CCDC171: variants seen among roughly 807,000 people sequenced by gnomAD.
CCDC171 encodes the protein coiled-coil domain-containing protein 171.
In CCDC171, 177 loss-of-function variants were observed where a neutral mutation model predicts 168.2. That is an observed-to-expected ratio of 1.05 (90% CI 0.93 to 1.19). The LOEUF is 1.19. Ranked by LOEUF, CCDC171 falls within the 50% of genes most tolerant of loss-of-function variation. The pLI, the probability that CCDC171 is intolerant of heterozygous loss-of-function variation, is 0.00. For synonymous variants in CCDC171, 687 were observed against 540.8 expected (o/e 1.27, Z -3.75); for missense variants, 1,991 against 1,539.0 (o/e 1.29, Z -4.91).
chr9:15,789,434 A>C (rs1186123263), intron 21 of CCDC171, among the ~76,000 whole-genome samples: 1 of 152,206 alleles, frequency 6.6e-6, no homozygotes, highest in African/African-American at 2.4e-5. Context: ...TCCGACATTA[A>C]GAAATTGCTT....
Position 15,821,443 on chromosome 9 carries a change from G to A in CCDC171, c.3268-25259G>A, listed in dbSNP as rs375536818. Reference sequence around the variant, plus strand: ...GATTGTATATCTAGAAAACCCCATCGTCTCAGCCCAAAATCTCCTTGAGCT... The same window carrying A: ...GATTGTATATCTAGAAAACCCCATCATCTCAGCCCAAAATCTCCTTGAGCT... On this transcript the variant is annotated intron_variant, in intron 21 of 25. Coordinates refer to ENST00000380701, the MANE Select transcript of CCDC171 (RefSeq NM_173550.4). 2.3e-4 allele frequency among the ~76,000 whole-genome samples: 27 copies of A among 115,532 alleles called. 6 individuals carry two copies. Among genetic ancestry groups the A allele is most frequent in the African/African-American group, 5.9e-4 (18 of 30,378 alleles). The allele number at this position is 115,532 out of a possible 152,430, so 75.8% of individuals were successfully genotyped here.
chr9:15,579,378 C>A (rs1300056555), intron 4 of CCDC171, among the ~76,000 whole-genome samples: 1 of 152,102 alleles, frequency 6.6e-6, no homozygotes, highest in African/African-American at 2.4e-5. Context: ...AATATGAATC[C>A]AAATCTCTAG....
chr9:15,553,911 A>T (rs1314384098), intron 1 of CCDC171, among the ~76,000 whole-genome samples: 1 of 151,448 alleles, frequency 6.6e-6, no homozygotes, highest in Non-Finnish European at 1.5e-5. Flanking sequence ...AAATGAGATA[A>T]ATACGTCTTT....
At chr9:15,755,083 G>T (rs891731507) in intron 18 of CCDC171, among the ~76,000 whole-genome samples, 34 of 152,238 alleles carry the variant, frequency 2.2e-4, no homozygotes, top group African/African-American at 7.5e-4. Context: ...TGCCTTCTTT[G>T]TAATTATTGG....
intron 7 of CCDC171, among the ~76,000 whole-genome samples, chr9:15,642,086 A>T (rs1398966531): frequency 1.3e-5 from 2 of 151,572 alleles, no homozygotes; most frequent in African/African-American, 2.4e-5. Context: ...ATTGCTTGAA[A>T]CCAGGAGGTG....
At chr9:15,623,464 TGCGCGC>T in intron 7 of CCDC171, 51 bp downstream of exon 7, 3 of 765,036 alleles carry the variant, frequency 3.9e-6, no homozygotes, top group East Asian at 3.7e-5. Flanking sequence ...CTTTCACATA[TGCGCGC>T]GCGCGCACAC....
chr9:15,943,134 T>G (rs1295669582), intron 25 of CCDC171, among the ~76,000 whole-genome samples: 1 of 152,036 alleles, frequency 6.6e-6, no homozygotes, highest in East Asian at 1.9e-4. Context: ...CTATATTACA[T>G]GTGTGTTTCT....
intron 21 of CCDC171, among the ~76,000 whole-genome samples, chr9:15,832,465 C>A (rs920961612): frequency 6.6e-6 from 1 of 152,166 alleles, no homozygotes; most frequent in East Asian, 1.9e-4. Context: ...ATGGTAAAGC[C>A]TGTTGCTTCT....
chr9:15,708,515 G>C (rs1244743920), intron 11 of CCDC171, among the ~76,000 whole-genome samples: 1 of 152,146 alleles, frequency 6.6e-6, no homozygotes, highest in African/African-American at 2.4e-5. Context: ...CTACTGTGTA[G>C]GTGCTGCTTT....
chr9:15,696,985 C>T (rs1219699675), intron 11 of CCDC171, among the ~76,000 whole-genome samples: 1 of 152,102 alleles, frequency 6.6e-6, no homozygotes, highest in Non-Finnish European at 1.5e-5. Context: ...ATTTTTCTCT[C>T]CTTTACACCC....
chr9:16,016,698 G>A (rs569696356), intron 3 of CCDC171, among the ~76,000 whole-genome samples: 1 of 152,154 alleles, frequency 6.6e-6, no homozygotes, highest in African/African-American at 2.4e-5. Flanking sequence ...CGAAAAACAG[G>A]TTGCCACTTG....
chr9:15,634,488 A>T (rs1008450139), intron 7 of CCDC171, among the ~76,000 whole-genome samples: 1 of 152,070 alleles, frequency 6.6e-6, no homozygotes, highest in African/African-American at 2.4e-5. Flanking sequence ...CTCTCTCTCC[A>T]TGTGTATTTC....
Position 15,991,175 on chromosome 9 carries a change from C to T in CCDC171, n.369-29414C>T, listed in dbSNP as rs996615973. On this transcript the variant is annotated intron_variant and non_coding_transcript_variant, in intron 3 of 9. Coordinates refer to the CCDC171 transcript ENST00000486641. ...TTCCAAAATTGACCACATAATTGGA[C>T]GTAAAGCACTCCACAGCAAATTTAA... Among the ~76,000 whole-genome samples, 44 of 152,140 alleles carry T rather than the reference C, an allele frequency of 2.9e-4. 1 individual carries two copies. The East Asian group carries it at 3.7e-3, about 13-fold the overall frequency.
At chr9:15,744,993 G>C (rs752569907) in intron 17 of CCDC171, among the ~76,000 whole-genome samples, 13 of 152,094 alleles carry the variant, frequency 8.5e-5, no homozygotes, top group Non-Finnish European at 1.8e-4. Flanking sequence ...AAAATATTAG[G>C]TGGCAAATAT....
At chr9:15,941,150 A>G (rs1026122252) in intron 25 of CCDC171, among the ~76,000 whole-genome samples, 1 of 151,982 alleles carries the variant, frequency 6.6e-6, no homozygotes, top group Non-Finnish European at 1.5e-5. Context: ...GAGGATTCAG[A>G]TCATTAACAA....
intron 3 of CCDC171, among the ~76,000 whole-genome samples, chr9:16,008,329 G>T (rs569579446): frequency 6.6e-6 from 1 of 152,230 alleles, no homozygotes; most frequent in East Asian, 1.9e-4. Context: ...TTGTTAAAAA[G>T]ACTCTTCTTT....
At chr9:15,942,649 A>C (rs1827861510) in intron 25 of CCDC171, among the ~76,000 whole-genome samples, 1 of 151,902 alleles carries the variant, frequency 6.6e-6, no homozygotes, top group South Asian at 2.1e-4. Context: ...AATGGAAGAA[A>C]TATTCTTTTA....
At chr9:15,680,176 C>G (rs769713349) in intron 10 of CCDC171, among the ~76,000 whole-genome samples, 2 of 152,138 alleles carry the variant, frequency 1.3e-5, no homozygotes, top group African/African-American at 4.8e-5. Flanking sequence ...TTTTACATAC[C>G]TAGATTCCAC....
At chr9:15,874,697 A>G (rs750369929) in intron 24 of CCDC171, 34 bp downstream of exon 24, 1 of 1,484,508 alleles carries the variant, frequency 6.7e-7, no homozygotes, top group Non-Finnish European at 9.0e-7. Context: ...TGCTACTGAG[A>G]CATATAGAAA....
Sources: gnomAD v4.1 joint callset for allele counts (sites outside exome capture counted in the v4.1 genomes callset) on GRCh38, gnomAD v4.1.1 for gene constraint, MANE v1.5 for transcripts, NCBI Gene and HGNC (gene_info 2026-07-23, HGNC 2026-07-21) for gene names.